KALRN: variants seen among roughly 807,000 people sequenced by gnomAD.
KALRN encodes kalirin.
A neutral mutation model predicts 353.7 loss-of-function variants in KALRN; 70 were observed. The observed-to-expected ratio is 0.20, with a 90% confidence interval of 0.16 to 0.24. The LOEUF (loss-of-function observed/expected upper bound fraction) is 0.24, where lower values mean the gene tolerates loss of function less well. Among genes scored for constraint, KALRN ranks in the 10% least tolerant of loss-of-function variants. KALRN has a pLI of 1.00. For synonymous variants in KALRN, 1,391 were observed against 1,434.8 expected (o/e 0.97, Z 0.69); for missense variants, 2,791 against 3,756.7 (o/e 0.74, Z 6.72).
chr3:124,423,923 A>C (rs2092901474), intron 15 of KALRN, among the ~76,000 whole-genome samples: 1 of 152,224 alleles, frequency 6.6e-6, no homozygotes, highest in African/African-American at 2.4e-5. Flanking sequence ...CTAAGTGGTA[A>C]TTGTTTTAAT....
At chr3:124,357,598 A>C (rs1000440893) in intron 10 of KALRN, among the ~76,000 whole-genome samples, 1 of 152,104 alleles carries the variant, frequency 6.6e-6, no homozygotes, top group Non-Finnish European at 1.5e-5. Flanking sequence ...CCTTTAACTG[A>C]CCAGCTCCTA....
chr3:124,635,658 G>A lies in KALRN; in HGVS notation c.5569-1550G>A, dbSNP rs1013818316. ...TCAAAGGAATTTTTAAAAGTTCACC[G>A]TTGTAATATTGTGCAATTGTCTTCT... On this transcript the variant is annotated intron_variant, in intron 36 of 59. Transcript: ENST00000682506. Among the ~76,000 whole-genome samples the A allele has an allele frequency of 6.6e-5, 10 of 152,220 alleles. No homozygotes were observed. In the South Asian group the frequency reaches 1.0e-3, roughly 16 times the overall value.
At chr3:124,191,118 C>T (rs910891065) in intron 1 of KALRN, among the ~76,000 whole-genome samples, 1 of 152,196 alleles carries the variant, frequency 6.6e-6, no homozygotes, top group African/African-American at 2.4e-5. Flanking sequence ...ATGCACAGGG[C>T]AAGGCATGTG....
At chr3:124,526,294 C>T (rs964858729) in intron 33 of KALRN, among the ~76,000 whole-genome samples, 13 of 152,018 alleles carry the variant, frequency 8.6e-5, no homozygotes, top group African/African-American at 3.1e-4. Flanking sequence ...ACATATGGAG[C>T]CAGGTGGGTG....
chr3:124,407,958 A>G (rs2091754832), intron 13 of KALRN, among the ~76,000 whole-genome samples: 1 of 152,058 alleles, frequency 6.6e-6, no homozygotes, highest in South Asian at 2.1e-4. Flanking sequence ...TATTTTTAGT[A>G]GAGACGGGGT....
intron 34 of KALRN, among the ~76,000 whole-genome samples, chr3:124,567,193 C>T (rs1322365803): frequency 1.3e-5 from 2 of 152,110 alleles, no homozygotes; most frequent in Non-Finnish European, 2.9e-5. Flanking sequence ...TTAAGTGTTC[C>T]ATAGGTGAAT....
chr3:124,168,920 C>A (rs1488015251), intron 1 of KALRN, among the ~76,000 whole-genome samples: 3 of 152,272 alleles, frequency 2.0e-5, no homozygotes, highest in Admixed American at 2.0e-4. Context: ...GACAAAGGCA[C>A]ATGATTAGAC....
intron 1 of KALRN, among the ~76,000 whole-genome samples, chr3:124,122,609 A>G (rs2064156005): frequency 6.6e-6 from 1 of 152,150 alleles, no homozygotes; most frequent in Non-Finnish European, 1.5e-5. Flanking sequence ...TATTATGGTT[A>G]TCTGTGATCA....
At chr3:124,620,685 G>T (rs749615166) in intron 34 of KALRN, among the ~76,000 whole-genome samples, 2 of 152,164 alleles carry the variant, frequency 1.3e-5, no homozygotes, top group Non-Finnish European at 2.9e-5. Context: ...AGCTAGATGG[G>T]GCAGTGAGTC....
chr3:124,113,203 C>G (rs188353414), intron 1 of KALRN, among the ~76,000 whole-genome samples: 4 of 152,296 alleles, frequency 2.6e-5, no homozygotes, highest in Non-Finnish European at 5.9e-5. Flanking sequence ...GTCACAGCCT[C>G]TCTAGGCCTT....
At chr3:124,093,187 C>T (rs1023211099) in intron 1 of KALRN, among the ~76,000 whole-genome samples, 1 of 152,182 alleles carries the variant, frequency 6.6e-6, no homozygotes, top group Non-Finnish European at 1.5e-5. Context: ...CCTCCCCAGT[C>T]TGAGTTCTTC....
intron 34 of KALRN, among the ~76,000 whole-genome samples, chr3:124,567,915 T>C (rs1050082163): frequency 6.6e-6 from 1 of 152,068 alleles, no homozygotes; most frequent in Non-Finnish European, 1.5e-5. Flanking sequence ...TTCAGGGCTA[T>C]AGTGAGCTGT....
At chr3:124,673,397 A>AACAG (rs2086726867) in intron 48 of KALRN, among the ~76,000 whole-genome samples, 1 of 151,416 alleles carries the variant, frequency 6.6e-6, no homozygotes, top group African/African-American at 2.4e-5. Context: ...AAAACAAACA[A>AACAG]AAAGTATATA....
intron 6 of KALRN, among the ~76,000 whole-genome samples, chr3:124,311,064 C>CTTCTTTTTTTT (rs2078205533): frequency 1.5e-5 from 1 of 67,500 alleles, no homozygotes; most frequent in Non-Finnish European, 2.6e-5. Context: ...GATACTACTT[C>CTTCTTTTTTTT]TTTTTTTTTT....
At chr3:124,516,636 T>TAAAAAA (rs371660048) in intron 33 of KALRN, among the ~76,000 whole-genome samples, 3 of 118,790 alleles carry the variant, frequency 2.5e-5, no homozygotes, top group East Asian at 2.3e-4. Flanking sequence ...AGCACATCTA[T>TAAAAAA]AAAAAAAAAA....
intron 1 of KALRN, among the ~76,000 whole-genome samples, chr3:124,156,247 A>G (rs1303163854): frequency 1.3e-5 from 2 of 152,238 alleles, no homozygotes; most frequent in Non-Finnish European, 2.9e-5. Flanking sequence ...CTTGGCTGCC[A>G]TAAATGAGAA....
intron 1 of KALRN, among the ~76,000 whole-genome samples, chr3:124,090,157 T>C (rs1029496790): frequency 6.6e-6 from 1 of 151,848 alleles, no homozygotes; most frequent in Non-Finnish European, 1.5e-5. Flanking sequence ...CAGTGCAACA[T>C]GGGGGTTCTA....
intron 1 of KALRN, among the ~76,000 whole-genome samples, chr3:124,214,008 A>G (rs2077105002): frequency 6.6e-6 from 1 of 152,242 alleles, no homozygotes; most frequent in Admixed American, 6.5e-5. Flanking sequence ...AAGGATCAAT[A>G]TACAAAAGAG....
intron 1 of KALRN, among the ~76,000 whole-genome samples, chr3:124,075,278 G>A (rs560668234): frequency 6.6e-6 from 1 of 152,202 alleles, no homozygotes; most frequent in African/African-American, 2.4e-5. Flanking sequence ...TCCCAGGTGG[G>A]TGCCATATGG....
Sources: allele counts gnomAD v4.1 joint callset (sites outside exome capture counted in the v4.1 genomes callset), GRCh38; gene constraint gnomAD v4.1.1; transcripts MANE v1.5; gene names NCBI Gene and HGNC (gene_info 2026-07-23, HGNC 2026-07-21).